Variants in SAMMSON observed in about 807,000 individuals in gnomAD.
The protein encoded by SAMMSON is survival associated mitochondrial melanoma specific oncogenic non-coding RNA.
intron 4 of SAMMSON, among the ~76,000 whole-genome samples, chr3:70,076,116 T>TTGTTTCTGAAGTGTTAAC (rs1474898448): frequency 6.6e-6 from 1 of 152,092 alleles, no homozygotes; most frequent in Non-Finnish European, 1.5e-5. Context: ...CCAGGGTTAA[T>TTGTTTCTGAAGTGTTAAC]TGTTTCTGAA....
rs144979137 is a variant in SAMMSON at position 70,360,769 on chromosome 3, T to G, written n.913+2445T>G. Among the ~76,000 whole-genome samples, 410 of 152,290 alleles carry G rather than the reference T, an allele frequency of 2.7e-3. 3 individuals carry two copies. The highest frequency in any genetic ancestry group is 9.6e-3 in the African/African-American group (397 of 41,564). Reference sequence around the variant, plus strand: ...TAATATAAATGGAAAAAAATTCATATTTTGGAAAAGTTTGTATGTGCTAAG... The same window carrying G: ...TAATATAAATGGAAAAAAATTCATAGTTTGGAAAAGTTTGTATGTGCTAAG... On this transcript the variant is annotated intron_variant and non_coding_transcript_variant, in intron 9 of 9. Coordinates refer to ENST00000642114, the Ensembl canonical transcript of SAMMSON.
chr3:70,359,425 A>G (rs1702854739), intron 9 of SAMMSON, among the ~76,000 whole-genome samples: 1 of 152,196 alleles, frequency 6.6e-6, no homozygotes, highest in South Asian at 2.1e-4. Flanking sequence ...ATTGACTATT[A>G]CTGAAAAAGA....
intron 4 of SAMMSON, among the ~76,000 whole-genome samples, chr3:70,147,774 A>G (rs887663145): frequency 1.3e-5 from 2 of 152,046 alleles, no homozygotes; most frequent in Non-Finnish European, 2.9e-5. Context: ...AATATAATCA[A>G]TCCCTAAAAG....
At chr3:70,352,313 C>G (rs1477951343) in intron 7 of SAMMSON, among the ~76,000 whole-genome samples, 9 of 151,932 alleles carry the variant, frequency 5.9e-5, no homozygotes, top group Admixed American at 5.2e-4. Flanking sequence ...AAAAGGAGAG[C>G]AGATTTCTCA....
intron 2 of SAMMSON, among the ~76,000 whole-genome samples, chr3:70,414,958 C>T (rs1301328503): frequency 6.6e-6 from 1 of 151,820 alleles, no homozygotes; most frequent in East Asian, 1.9e-4. Flanking sequence ...ACAACCGCAA[C>T]TTTATAGCAG....
chr3:70,190,426 C>G (rs1294455245), intron 4 of SAMMSON, among the ~76,000 whole-genome samples: 1 of 152,202 alleles, frequency 6.6e-6, no homozygotes, highest in Non-Finnish European at 1.5e-5. Flanking sequence ...TTTTCATCTG[C>G]TCCTTAATAA....
chr3:70,373,721 A>T (rs1021480823), intron 9 of SAMMSON, among the ~76,000 whole-genome samples: 6 of 151,176 alleles, frequency 4.0e-5, no homozygotes, highest in African/African-American at 1.5e-4. Context: ...ATTTTCTCTG[A>T]CTCCTCCATT....
chr3:70,155,967 C>T (rs774275314), intron 4 of SAMMSON, among the ~76,000 whole-genome samples: 7 of 152,136 alleles, frequency 4.6e-5, no homozygotes, highest in African/African-American at 7.2e-5. Context: ...GGTTTCATAA[C>T]CTTTGATCCT....
chr3:70,351,322 T>C (rs1702794022), intron 7 of SAMMSON, among the ~76,000 whole-genome samples: 1 of 152,106 alleles, frequency 6.6e-6, no homozygotes, highest in South Asian at 2.1e-4. Context: ...CTTTCTTTAA[T>C]AAGTATTGGT....
At chr3:70,128,229 A>T (rs2067467357) in intron 4 of SAMMSON, among the ~76,000 whole-genome samples, 1 of 152,138 alleles carries the variant, frequency 6.6e-6, no homozygotes. Context: ...TCTACACAAG[A>T]AGTGCCTCAA....
chr3:70,369,888 C>G (rs991642752), intron 9 of SAMMSON, among the ~76,000 whole-genome samples: 2 of 151,768 alleles, frequency 1.3e-5, no homozygotes, highest in African/African-American at 4.8e-5. Flanking sequence ...TTATAATACT[C>G]TGCTGTTGAA....
chr3:70,135,507 G>T (rs937796547), intron 4 of SAMMSON, among the ~76,000 whole-genome samples: 1 of 152,018 alleles, frequency 6.6e-6, no homozygotes, highest in African/African-American at 2.4e-5. Flanking sequence ...ATACCTTAAT[G>T]CAAGCCGGAA....
chr3:70,053,968 G>A (rs1050740229), intron 3 of SAMMSON, among the ~76,000 whole-genome samples: 1 of 152,026 alleles, frequency 6.6e-6, no homozygotes. Context: ...TAAATTTACT[G>A]TGTGCATAAC....
chr3:70,308,499 C>G (rs1232814619), intron 7 of SAMMSON, among the ~76,000 whole-genome samples: 1 of 152,110 alleles, frequency 6.6e-6, no homozygotes, highest in East Asian at 1.9e-4. Context: ...TTTGTAACAG[C>G]TCTGGCTGTG....
chr3:70,236,195 A>G (rs1221479344), intron 4 of SAMMSON, among the ~76,000 whole-genome samples: 1 of 151,284 alleles, frequency 6.6e-6, no homozygotes, highest in Non-Finnish European at 1.5e-5. Flanking sequence ...CCAAACTAAA[A>G]TCGACTTGGC....
At chr3:70,037,891 G>A (rs1344166281) in intron 3 of SAMMSON, among the ~76,000 whole-genome samples, 1 of 152,146 alleles carries the variant, frequency 6.6e-6, no homozygotes, top group Non-Finnish European at 1.5e-5. Context: ...AAGTTGTTGA[G>A]CTCAACATCT....
intron 1 of SAMMSON, among the ~76,000 whole-genome samples, chr3:70,000,828 A>G (rs1334522949): frequency 1.3e-5 from 2 of 152,188 alleles, no homozygotes; most frequent in Non-Finnish European, 2.9e-5. Context: ...TTGTATTAAT[A>G]TCATTCAAAT....
At chr3:70,429,805 A>G (rs1484594097) in intron 2 of SAMMSON, among the ~76,000 whole-genome samples, 2 of 152,110 alleles carry the variant, frequency 1.3e-5, no homozygotes, top group Non-Finnish European at 2.9e-5. Context: ...ATTTTTTTGC[A>G]CATTGATTTT....
intron 1 of SAMMSON, among the ~76,000 whole-genome samples, chr3:70,008,845 T>C (rs2066941414): frequency 6.6e-6 from 1 of 152,252 alleles, no homozygotes; most frequent in African/African-American, 2.4e-5. Context: ...GTTTTTAGCA[T>C]GAAGCGTTGT....
Sources: allele counts gnomAD v4.1 joint callset (sites outside exome capture counted in the v4.1 genomes callset), GRCh38; gene constraint gnomAD v4.1.1; transcripts MANE v1.5; gene names NCBI Gene and HGNC (gene_info 2026-07-23, HGNC 2026-07-21).